The following YIPF1 variants were observed in gnomAD, a reference collection of about 807,000 sequenced individuals.
YIPF1 encodes the protein Yip1 domain family member 1.
Under a neutral mutation model 37.0 loss-of-function variants are expected in YIPF1, and 22 were observed. That is an observed-to-expected ratio of 0.59 (90% CI 0.42 to 0.85). YIPF1 has a LOEUF of 0.85. YIPF1 is among the 40% of genes least tolerant of loss of function. The probability of loss-of-function intolerance (pLI) is 0.00; values close to 1 mark genes in which losing one functional copy is unlikely to be tolerated. For synonymous variants in YIPF1, 128 were observed against 131.9 expected (o/e 0.97, Z 0.21); for missense variants, 355 against 373.1 (o/e 0.95, Z 0.40).
rs192378420 is a variant in YIPF1, at chr1:53,861,070, G to C, written c.832-917C>G. ...AGCTCTGCTCTCTATCAGCCAGAAGGGGGCACCAACACAACATGTTGGAGC... is the reference window on the plus strand; with the variant it reads ...AGCTCTGCTCTCTATCAGCCAGAAGCGGGCACCAACACAACATGTTGGAGC... On this transcript the variant is annotated intron_variant, in intron 9 of 10. Transcript: ENST00000072644. Among the ~76,000 whole-genome samples the C allele has an allele frequency of 3.3e-5, 5 of 152,244 alleles. No individual in the cohort carries two copies. The East Asian group carries it at 7.7e-4, about 23-fold the overall frequency.
rs1557609183 is a variant in YIPF1 at position 53,878,415 on chromosome 1, ATAG to A, written c.277-16_277-14del. ...TTCTGTCAAAGACCTGGAAAACATC[ATAG>A]CAGTAATTCTACTGAAGTTTTTTAA... On this transcript the variant is annotated splice_polypyrimidine_tract_variant and intron_variant, in intron 5 of 10. Coordinates refer to ENST00000072644, the MANE Select transcript of YIPF1 (RefSeq NM_018982.5). 6.2e-7 allele frequency: 1 copy of A among 1,612,194 alleles called. No individual in the cohort carries two copies.
At position 53,878,390 on chromosome 1, in the gene YIPF1, T is replaced by C; in HGVS notation, c.289A>G (p.Ile97Val). ...GGTATTGGCAAAAGAGATCCTTTAA[T>C]TCTGTCAAAGACCTGGAAAACATCA... ...DVDTYQVFDR[I>V]KGSLLPIPGK... Residue 97 changes from isoleucine (I) to valine (V), a missense_variant, in exon 6 of 11, where the codon ATT becomes GTT. Physicochemically the swap from Ile to Val is conservative, Grantham distance 29. Transcript: ENST00000072644. 6.2e-7 allele frequency: 1 copy of C among 1,614,136 alleles called. No homozygotes were observed. The highest frequency in any genetic ancestry group is 8.5e-7 in the Non-Finnish European group (1 of 1,179,994).
Position 53,860,122 on chromosome 1 carries a change from T to C in YIPF1, c.863A>G (p.His288Arg), listed in dbSNP as rs772989914. 2 of 1,614,134 alleles carry C rather than the reference T, an allele frequency of 1.2e-6. No homozygotes were observed. The highest frequency in any genetic ancestry group is 1.3e-5 in the African/African-American group (1 of 75,040). The change falls in exon 10 of 11, where the codon CAT (histidine) becomes CGT (arginine). Residue 288 changes from histidine to arginine, a missense_variant. By Grantham distance (29) the His-to-Arg change is conservative. Transcript: ENST00000072644. ...AYFFDAPEMD[H>R]LPTTTATPNQ... ...TGGAGTAGCTGTAGTTGTTGGGAGA[T>C]GGTCCATCTCTGGTGCATCAAAAAA...
At chr1:53,879,308 G>A (rs904520949) in intron 4 of YIPF1, among the ~76,000 whole-genome samples, 1 of 151,890 alleles carries the variant, frequency 6.6e-6, no homozygotes, top group Non-Finnish European at 1.5e-5. Flanking sequence ...TGCCCAGGCT[G>A]GTCTCAAACT....
intron 9 of YIPF1, among the ~76,000 whole-genome samples, chr1:53,862,212 G>A (rs1387135390): frequency 6.6e-6 from 1 of 152,180 alleles, no homozygotes. Flanking sequence ...GAAAGCTGAG[G>A]CTCAAAGAAA....
chr1:53,852,130 C>T lies in YIPF1; in HGVS notation c.*149G>A, dbSNP rs552929407. 3 of 152,284 alleles carry T rather than the reference C, an allele frequency of 2.0e-5. No individual in the cohort carries two copies. Among genetic ancestry groups the T allele is most frequent in the Admixed American group, 1.3e-4 (2 of 15,290 alleles). The allele number at this position is 152,284 out of a possible 1,614,324, so 9.4% of individuals were successfully genotyped here. ...CAACATTTAATTTCTGCTTGTTAAA[C>T]GGGTGATTAGGCGCCAGTGTGGCAC... On this transcript the variant is annotated 3_prime_UTR_variant, in exon 11 of 11. Coordinates refer to ENST00000072644, the MANE Select transcript of YIPF1 (RefSeq NM_018982.5).
chr1:53,859,707 C>T (rs1557601619), intron 10 of YIPF1, among the ~76,000 whole-genome samples: 1 of 152,002 alleles, frequency 6.6e-6, no homozygotes, highest in Non-Finnish European at 1.5e-5. Context: ...AAAGAAAAAA[C>T]CACCAGGATT....
Position 53,877,021 on chromosome 1 carries a change from T to G in YIPF1, c.364+1294A>C, listed in dbSNP as rs145653042. Among the ~76,000 whole-genome samples, 5 of 152,358 alleles carry G rather than the reference T, an allele frequency of 3.3e-5. No homozygotes were observed. The East Asian group carries it at 7.7e-4, about 24-fold the overall frequency. On this transcript the variant is annotated intron_variant, in intron 6 of 10. Coordinates refer to ENST00000072644, the MANE Select transcript of YIPF1 (RefSeq NM_018982.5). ...AGGTATTCAACAGATGTTAGTGTTC[T>G]CTCTTCTTCCTCATTGGGGCTAGGG...
At chr1:53,869,164 A>T (rs34896437) in intron 7 of YIPF1, among the ~76,000 whole-genome samples, 2,555 of 70,890 alleles carry the variant, frequency 0.036, 47 homozygotes, top group African/African-American at 0.12. Flanking sequence ...TCTCTCTCAC[A>T]CACACACACA....
At chr1:53,869,389 C>G (rs1650118751) in intron 7 of YIPF1, among the ~76,000 whole-genome samples, 1 of 152,018 alleles carries the variant, frequency 6.6e-6, no homozygotes, top group South Asian at 2.1e-4. Flanking sequence ...TTGGTACAAA[C>G]CACTATTCTA....
intron 6 of YIPF1, among the ~76,000 whole-genome samples, chr1:53,874,017 T>C (rs986711337): frequency 6.6e-6 from 1 of 152,174 alleles, no homozygotes; most frequent in African/African-American, 2.4e-5. Context: ...CCACTACCTC[T>C]ATGTGGCCCA....
intron 7 of YIPF1, among the ~76,000 whole-genome samples, chr1:53,870,023 T>C (rs1267801330): frequency 1.3e-5 from 2 of 150,726 alleles, no homozygotes; most frequent in African/African-American, 2.4e-5. Context: ...CCACCATGCC[T>C]GGATAATTTT....
intron 10 of YIPF1, among the ~76,000 whole-genome samples, chr1:53,853,151 G>A (rs1158968877): frequency 6.6e-6 from 1 of 152,190 alleles, no homozygotes; most frequent in Admixed American, 6.5e-5. Context: ...CATGTGCCAG[G>A]TACTGGGGAC....
chr1:53,866,987 TC>T, intron 7 of YIPF1, 63 bp from the exon 8 acceptor site: 2 of 1,531,560 alleles, frequency 1.3e-6, no homozygotes, highest in Non-Finnish European at 8.8e-7. Context: ...TCAGAGCACT[TC>T]CAACACCTTA....
At chr1:53,877,500 C>G (rs1650364241) in intron 6 of YIPF1, among the ~76,000 whole-genome samples, 1 of 152,188 alleles carries the variant, frequency 6.6e-6, no homozygotes, top group South Asian at 2.1e-4. Context: ...GCACTCTCTT[C>G]TCCCCTCAAA....
intron 10 of YIPF1, among the ~76,000 whole-genome samples, chr1:53,858,331 C>T (rs1649777700): frequency 6.6e-6 from 1 of 152,134 alleles, no homozygotes; most frequent in Non-Finnish European, 1.5e-5. Flanking sequence ...GGCCTACAAC[C>T]TGGATTCCTC....
At chr1:53,866,460 C>A in intron 8 of YIPF1, 78 bp from the exon 9 acceptor site, 1 of 1,479,614 alleles carries the variant, frequency 6.8e-7, no homozygotes, top group South Asian at 1.3e-5. Flanking sequence ...TTACAAAGGC[C>A]CCTGAGCCAA....
chr1:53,888,157 C>G lies in YIPF1; in HGVS notation c.31+750G>C, dbSNP rs188294819. 3.6e-3 allele frequency among the ~76,000 whole-genome samples: 553 copies of G among 152,248 alleles called. 4 individuals are homozygous for G. Among genetic ancestry groups the G allele is most frequent in the African/African-American group, 0.013 (520 of 41,538 alleles). On this transcript the variant is annotated intron_variant, in intron 3 of 10. Coordinates refer to ENST00000072644, the MANE Select transcript of YIPF1 (RefSeq NM_018982.5). ...AGGAGAATCGTCTGAACCCGGGAGG[C>G]AGAGGTTGCAGCAAGCCAAGATCGA...
intron 10 of YIPF1, among the ~76,000 whole-genome samples, chr1:53,855,823 A>G (rs1649704774): frequency 6.6e-6 from 1 of 152,194 alleles, no homozygotes. Flanking sequence ...TAAGCAATGC[A>G]TGACTGTAAC....
Sources: gnomAD v4.1 joint callset for allele counts (sites outside exome capture counted in the v4.1 genomes callset) on GRCh38, gnomAD v4.1.1 for gene constraint, MANE v1.5 for transcripts, NCBI Gene and HGNC (gene_info 2026-07-23, HGNC 2026-07-21) for gene names.